Variants in STRN3 observed in about 807,000 individuals in gnomAD.
STRN3 encodes striatin-3.
A neutral mutation model predicts 95.6 loss-of-function variants in STRN3; 29 were observed. That is an observed-to-expected ratio of 0.30 (90% CI 0.23 to 0.41). The LOEUF (loss-of-function observed/expected upper bound fraction) is 0.41, where lower values mean the gene tolerates loss of function less well. STRN3 is among the 10% of genes least tolerant of loss of function. STRN3 has a pLI of 1.00. For missense variants in STRN3, 890 were observed against 972.1 expected (o/e 0.92, Z 1.12); for synonymous variants, 331 against 357.6 (o/e 0.93, Z 0.84).
At chr14:30,907,772 T>C (rs997181076) in intron 13 of STRN3, among the ~76,000 whole-genome samples, 7 of 152,220 alleles carry the variant, frequency 4.6e-5, no homozygotes, top group Non-Finnish European at 7.3e-5. Context: ...AATATTCTGC[T>C]GTATGGATAT....
intron 8 of STRN3, among the ~76,000 whole-genome samples, chr14:30,921,092 A>ACT (rs1566436362): frequency 6.6e-6 from 1 of 151,664 alleles, no homozygotes; most frequent in African/African-American, 2.4e-5. Flanking sequence ...ACACACACAC[A>ACT]CACACACACA....
At chr14:30,969,570 TA>T (rs1880722508) in intron 1 of STRN3, among the ~76,000 whole-genome samples, 1 of 152,172 alleles carries the variant, frequency 6.6e-6, no homozygotes, top group African/African-American at 2.4e-5. Context: ...TTATTTGGTA[TA>T]AAAATCATAC....
intron 1 of STRN3, among the ~76,000 whole-genome samples, chr14:30,972,804 CTATT>C (rs1880901366): frequency 6.6e-6 from 1 of 151,994 alleles, no homozygotes; most frequent in Non-Finnish European, 1.5e-5. Flanking sequence ...GACCCTATCT[CTATT>C]TAACTTGTAA....
chr14:30,977,629 C>CA (rs558862269), intron 1 of STRN3, among the ~76,000 whole-genome samples: 8,401 of 132,326 alleles, frequency 0.063, 410 homozygotes, highest in East Asian at 0.22. Flanking sequence ...ACTAAAAATA[C>CA]AAAAAAAAAA....
intron 10 of STRN3, among the ~76,000 whole-genome samples, chr14:30,912,520 C>T (rs932481348): frequency 2.0e-5 from 3 of 152,124 alleles, no homozygotes; most frequent in African/African-American, 7.2e-5. Context: ...AAAATAATTA[C>T]ATAAGTTATT....
chr14:30,905,640 A>G, intron 14 of STRN3, 82 bp from the exon 15 acceptor site: 1 of 1,451,322 alleles, frequency 6.9e-7, no homozygotes, highest in Non-Finnish European at 9.3e-7. Context: ...CTGTTTTTCT[A>G]ATCAGAAAAA....
intron 16 of STRN3, among the ~76,000 whole-genome samples, chr14:30,896,071 A>C (rs1017058944): frequency 2.0e-5 from 3 of 152,182 alleles, no homozygotes; most frequent in African/African-American, 7.2e-5. Context: ...CTCTTTCTAT[A>C]GACTGGCCTA....
chr14:30,987,907 T>C (rs1881775353), intron 1 of STRN3, among the ~76,000 whole-genome samples: 1 of 151,992 alleles, frequency 6.6e-6, no homozygotes, highest in Non-Finnish European at 1.5e-5. Context: ...CCAGCTAATT[T>C]TTGTATTTTT....
At chr14:31,004,303 A>T (rs1882616136) in intron 1 of STRN3, among the ~76,000 whole-genome samples, 1 of 146,252 alleles carries the variant, frequency 6.8e-6, no homozygotes, top group South Asian at 2.2e-4. Flanking sequence ...AAAAAAAGTT[A>T]AAAAAAAAAA....
chr14:30,955,817 C>A, intron 2 of STRN3, 124 bp from the exon 3 acceptor site: 1 of 821,660 alleles, frequency 1.2e-6, no homozygotes, highest in South Asian at 2.2e-5. Flanking sequence ...TTGCAAAGAA[C>A]ATTGAAGACT....
intron 16 of STRN3, among the ~76,000 whole-genome samples, chr14:30,896,429 C>T (rs1423918366): frequency 6.6e-6 from 1 of 152,090 alleles, no homozygotes; most frequent in Non-Finnish European, 1.5e-5. Flanking sequence ...CCCAGGAGTT[C>T]AAGGCTGCAG....
intron 1 of STRN3, among the ~76,000 whole-genome samples, chr14:31,024,080 TA>T (rs781229146): frequency 1.3e-5 from 2 of 152,198 alleles, no homozygotes; most frequent in African/African-American, 4.8e-5. Context: ...GAGCAGGCAA[TA>T]AAGGCTTCTT....
chr14:30,944,549 ACACG>A (rs1353253143), intron 5 of STRN3, among the ~76,000 whole-genome samples: 13 of 85,546 alleles, frequency 1.5e-4, no homozygotes, highest in African/African-American at 5.8e-4. Context: ...ATGTATATAT[ACACG>A]TATATATATA....
chr14:30,934,168 A>G (rs1594458419), intron 7 of STRN3, among the ~76,000 whole-genome samples: 1 of 152,278 alleles, frequency 6.6e-6, no homozygotes, highest in Non-Finnish European at 1.5e-5. Flanking sequence ...TACTAAAAAT[A>G]CAAAGAGTAG....
chr14:31,017,443 G>A lies in STRN3; in HGVS notation c.282+8461C>T, dbSNP rs184354100. On this transcript the variant is annotated intron_variant, in intron 1 of 17. Transcript: ENST00000357479. ...GAACCCAGGAGGCAGAGCTTGCAGT[G>A]AGCCGAGATCGCGCCACTGCACTCC... Among the ~76,000 whole-genome samples, 101 of 151,684 alleles carry A rather than the reference G, an allele frequency of 6.7e-4. 1 individual carries two copies. Among genetic ancestry groups the A allele is most frequent in the African/African-American group, 2.2e-3 (91 of 41,312 alleles).
intron 1 of STRN3, among the ~76,000 whole-genome samples, chr14:30,991,450 A>G (rs748096770): frequency 2.6e-5 from 4 of 152,222 alleles, no homozygotes; most frequent in Non-Finnish European, 4.4e-5. Context: ...TCTGTAATGC[A>G]GGTTAATAAA....
intron 8 of STRN3, among the ~76,000 whole-genome samples, chr14:30,923,519 AAAGTT>A (rs1483112587): frequency 2.6e-5 from 4 of 152,166 alleles, no homozygotes; most frequent in African/African-American, 9.7e-5. Flanking sequence ...AAAAGACAGA[AAAGTT>A]AAGATAAACG....
chr14:31,017,547 T>C (rs1481418661), intron 1 of STRN3, among the ~76,000 whole-genome samples: 2 of 151,666 alleles, frequency 1.3e-5, no homozygotes, highest in African/African-American at 4.8e-5. Flanking sequence ...CAGGAAGATG[T>C]GCATAAGTTA....
rs34255465 is a variant in STRN3, at chr14:30,894,893, C to CTTT, written c.*515_*517dup. 516 of 740,832 alleles carry CTTT rather than the reference C, an allele frequency of 7.0e-4. No individual in the cohort carries two copies. Among genetic ancestry groups the CTTT allele is most frequent in the Middle Eastern group, 1.3e-3 (3 of 2,284 alleles). 45.9% of individuals were successfully genotyped at this position (740,832 alleles called of 1,614,324 possible). ...ATATTTTAAGTTAAATTTTCTTTTT[C>CTTT]TTTTTTTTTTTTTTTAAAGCAAAAT... is the stretch of plus-strand genomic sequence containing the variant. On this transcript the variant is annotated 3_prime_UTR_variant, in exon 18 of 18. Transcript: ENST00000357479.
Sources: allele counts gnomAD v4.1 joint callset (sites outside exome capture counted in the v4.1 genomes callset), GRCh38; gene constraint gnomAD v4.1.1; transcripts MANE v1.5; gene names NCBI Gene and HGNC (gene_info 2026-07-23, HGNC 2026-07-21).